Variants in CDON observed in about 807,000 individuals in gnomAD.
CDON encodes the protein cell adhesion molecule-related/down-regulated by oncogenes.
A neutral mutation model predicts 120.9 loss-of-function variants in CDON; 73 were observed. That is an observed-to-expected ratio of 0.60 (90% CI 0.50 to 0.73). The LOEUF (loss-of-function observed/expected upper bound fraction) is 0.73. CDON is among the 30% of genes least tolerant of loss of function. CDON has a pLI of 0.00. For missense variants in CDON, 1,470 were observed against 1,587.3 expected (o/e 0.93, Z 1.26); for synonymous variants, 566 against 573.5 (o/e 0.99, Z 0.19).
At chr11:126,057,260 T>C (rs1481953758) in intron 1 of CDON, among the ~76,000 whole-genome samples, 2 of 152,188 alleles carry the variant, frequency 1.3e-5, no homozygotes, top group African/African-American at 4.8e-5. Context: ...AAAGACTGTG[T>C]ATCCAATGTG....
Position 126,023,410 on chromosome 11 carries a change from C to A in CDON, c.67G>T (p.Val23Leu), listed in dbSNP as rs762677073. 7.5e-6 allele frequency: 12 copies of A among 1,608,848 alleles called. No homozygotes were observed. Among genetic ancestry groups the A allele is most frequent in the Non-Finnish European group, 8.5e-6 (10 of 1,175,362 alleles). Residue 23 changes from valine to leucine, a missense_variant, in exon 2 of 20, where the codon GTG becomes TTG. Transcript: ENST00000531738. ...CCAATTCTACTCTTACCTGAACTCA[C>A]AGAAGAGCACAGAATTGTAAGAGTA... is the stretch of plus-strand genomic sequence containing the variant. The part of the protein sequence containing the change: ...YVTLTILCSS[V>L]SSDLAPYFTS...
intron 11 of CDON, among the ~76,000 whole-genome samples, chr11:125,998,167 G>A (rs1276421454): frequency 6.6e-6 from 1 of 152,198 alleles, no homozygotes; most frequent in Non-Finnish European, 1.5e-5. Context: ...CTCTGCAGGA[G>A]GTGAAAACAT....
chr11:126,017,201 T>A lies in CDON; in HGVS notation c.815A>T (p.Tyr272Phe). ...IAPGSNWRRL[Y>F]SHLATDSVDP... is the part of the protein sequence containing the mutation. ...AACGCTATCAGTGGCAAGATGAGAA[T>A]ACAACCTTCTCCAGTTGCTTCCTGG... Residue 272 changes from tyrosine (Y) to phenylalanine (F), a missense_variant, in exon 6 of 20, where the codon TAT (tyrosine) becomes TTT (phenylalanine). By Grantham distance (22) the Tyr-to-Phe change is conservative (BLOSUM62 3). Coordinates refer to ENST00000531738, the MANE Select transcript of CDON (RefSeq NM_001378964.1). 1 of 1,614,198 alleles carries A rather than the reference T, an allele frequency of 6.2e-7. No homozygotes were observed. The highest frequency in any genetic ancestry group is 8.5e-7 in the Non-Finnish European group (1 of 1,180,030).
intron 11 of CDON, among the ~76,000 whole-genome samples, chr11:125,997,730 G>A (rs760236206): frequency 6.6e-6 from 1 of 152,154 alleles, no homozygotes; most frequent in Admixed American, 6.5e-5. Flanking sequence ...GGTGCTTCAA[G>A]TTTGATTGTG....
chr11:125,984,167 A>T, intron 15 of CDON, 74 bp from the exon 16 acceptor site: 1 of 1,048,950 alleles, frequency 9.5e-7, no homozygotes, highest in Non-Finnish European at 1.5e-6. Context: ...TCTCTGAAGG[A>T]GGTCTGGTTA....
At chr11:126,053,196 G>T (rs1948606775) in intron 1 of CDON, among the ~76,000 whole-genome samples, 1 of 152,108 alleles carries the variant, frequency 6.6e-6, no homozygotes, top group African/African-American at 2.4e-5. Flanking sequence ...ACAATAAAAT[G>T]ACCCCATTTA....
At chr11:126,036,521 A>G (rs1010627056) in intron 1 of CDON, among the ~76,000 whole-genome samples, 16 of 149,120 alleles carry the variant, frequency 1.1e-4, no homozygotes, top group African/African-American at 3.2e-4. Context: ...TACTATACTC[A>G]TATTTCATAG....
chr11:126,026,896 A>C (rs1280470148), intron 1 of CDON, among the ~76,000 whole-genome samples: 1 of 152,198 alleles, frequency 6.6e-6, no homozygotes, highest in Admixed American at 6.5e-5. Context: ...CCTTTTGCCA[A>C]ATCTTTCAGC....
chr11:125,990,270 G>A (rs77533222), intron 14 of CDON, among the ~76,000 whole-genome samples: 3,862 of 152,182 alleles, frequency 0.025, 163 homozygotes, highest in African/African-American at 0.085. Flanking sequence ...ACATATGACC[G>A]AATGCCTGAA....
At chr11:126,019,788 T>C in intron 3 of CDON, 23 bp from the exon 4 acceptor site, 2 of 1,591,920 alleles carry the variant, frequency 1.3e-6, no homozygotes, top group Non-Finnish European at 1.7e-6. Context: ...AGGAAACAGA[T>C]AAATAAATAC....
intron 1 of CDON, among the ~76,000 whole-genome samples, chr11:126,024,383 A>G (rs61539232): frequency 0.024 from 3,610 of 152,342 alleles, 145 homozygotes; most frequent in African/African-American, 0.082. Context: ...AGTGGTTACA[A>G]CACTGAGTCA....
At chr11:125,972,570 C>T (rs1401583250) in intron 18 of CDON, among the ~76,000 whole-genome samples, 1 of 152,168 alleles carries the variant, frequency 6.6e-6, no homozygotes, top group Non-Finnish European at 1.5e-5. Context: ...GCACCCTCCC[C>T]TCACCTGCTC....
chr11:125,962,814 T>C (rs967492175), intron 18 of CDON, among the ~76,000 whole-genome samples: 14 of 152,176 alleles, frequency 9.2e-5, no homozygotes, highest in African/African-American at 3.4e-4. Context: ...ACCGGCTCTG[T>C]TTATCGGCTG....
chr11:125,963,317 T>C (rs1441148630), intron 18 of CDON, among the ~76,000 whole-genome samples: 2 of 152,080 alleles, frequency 1.3e-5, no homozygotes, highest in Non-Finnish European at 2.9e-5. Context: ...TTCCCCCCTA[T>C]AATTGGGAGT....
rs1939986 is a variant in CDON at position 125,989,512 on chromosome 11, G to T, written c.2773+125C>A. ...GATTGTACCACTGCACTCCAGCCTG[G>T]GTGACAGAGTGAGACCGTGTCTCAA... On this transcript the variant is annotated intron_variant, in intron 15 of 19. Transcript: ENST00000531738. 273,902 of 901,730 alleles carry T rather than the reference G, an allele frequency of 0.3. 43,447 individuals carry two copies. The highest frequency in any genetic ancestry group is 0.54 in the East Asian group (20,321 of 37,508). 55.9% of individuals were successfully genotyped at this position (901,730 alleles called of 1,614,324 possible). A position where few individuals can be genotyped will look rare whatever the true frequency, so the allele number is the denominator to read the frequency against.
chr11:126,010,341 C>G lies in CDON; in HGVS notation c.1552G>C (p.Val518Leu), dbSNP rs1246011574. 1 of 1,594,818 alleles carries G rather than the reference C, an allele frequency of 6.3e-7. No individual in the cohort carries two copies. The highest frequency in any genetic ancestry group is 8.6e-7 in the Non-Finnish European group (1 of 1,168,114). ...TTQAEASLMV[V>L]PFETNTKAET... ...AAAATAAATAATAATGGCAACTCAC[C>G]AACCATGAGAGATGCTTCTGCCTGT... Residue 518 changes from valine (V) to leucine (L), a missense_variant and splice_region_variant, in exon 8 of 20, where the codon GTT becomes CTT. By Grantham distance (32) the Val-to-Leu change is conservative. Transcript: ENST00000531738.
rs780426207 is a variant in CDON, at chr11:125,981,332, G to C, written c.2996-3C>G. The C allele has an allele frequency of 6.2e-7, 1 of 1,611,538 alleles. No individual in the cohort carries two copies. Among genetic ancestry groups the C allele is most frequent in the South Asian group, 1.1e-5 (1 of 91,068 alleles). On this transcript the variant is annotated splice_region_variant and splice_polypyrimidine_tract_variant and intron_variant, in intron 16 of 19. Transcript: ENST00000531738. ...GAGATATCCTGGTGGGTCATATTCT[G>C]TTAAAAGAGAACAAAAAAGACACAC...
chr11:126,022,118 A>G (rs1017063684), intron 2 of CDON, among the ~76,000 whole-genome samples: 12 of 151,284 alleles, frequency 7.9e-5, no homozygotes, highest in African/African-American at 2.7e-4. Flanking sequence ...AAAAAAAAAA[A>G]AAAAAAAGAA....
At chr11:125,968,503 T>A (rs376387111) in intron 18 of CDON, among the ~76,000 whole-genome samples, 1 of 152,174 alleles carries the variant, frequency 6.6e-6, no homozygotes, top group Non-Finnish European at 1.5e-5. Flanking sequence ...ACAGGTTTTA[T>A]GGGGAGCTAA....
Sources: gnomAD v4.1 joint callset for allele counts (sites outside exome capture counted in the v4.1 genomes callset) on GRCh38, gnomAD v4.1.1 for gene constraint, MANE v1.5 for transcripts, NCBI Gene and HGNC (gene_info 2026-07-23, HGNC 2026-07-21) for gene names.